ARHGEF16: variants seen among roughly 807,000 people sequenced by gnomAD.
The protein encoded by ARHGEF16 is Rho guanine exchange factor (GEF) 16.
A neutral mutation model predicts 74.1 loss-of-function variants in ARHGEF16; 59 were observed. That is an observed-to-expected ratio of 0.80 (90% CI 0.65 to 0.99). The LOEUF (loss-of-function observed/expected upper bound fraction) is 0.99, where lower values mean the gene tolerates loss of function less well. ARHGEF16 is among the 50% of genes least tolerant of loss of function. The pLI, the probability that ARHGEF16 is intolerant of heterozygous loss-of-function variation, is 0.00. For synonymous variants in ARHGEF16, 415 were observed against 412.6 expected (o/e 1.01, Z -0.07); for missense variants, 948 against 986.6 (o/e 0.96, Z 0.52).
rs906722038 is a variant in ARHGEF16 at position 3,463,279 on chromosome 1, C to T, written c.195C>T (p.His65=). The part of the protein sequence containing the change: ...PAPPQPRPPG[H]EEPWPIVLST... ...CCCCACAGCCTCGGCCCCCGGGGCA[C>T]GAGGAGCCATGGCCCATCGTCCTGA... Residue 65 remains histidine, a synonymous_variant, in exon 2 of 15, where the codon CAC becomes CAT. Transcript: ENST00000378378. 2.4e-5 allele frequency: 37 copies of T among 1,549,826 alleles called. No individual in the cohort carries two copies. The highest frequency in any genetic ancestry group is 1.9e-4 in the African/African-American group (14 of 73,050).
At chr1:3,462,462 C>G (rs1353287012) in intron 1 of ARHGEF16, among the ~76,000 whole-genome samples, 2 of 152,188 alleles carry the variant, frequency 1.3e-5, no homozygotes, top group Non-Finnish European at 2.9e-5. Flanking sequence ...TGCCCTCCCC[C>G]CAACCCAGCA....
intron 5 of ARHGEF16, 125 bp downstream of exon 5, chr1:3,469,061 T>C: frequency 8.2e-7 from 1 of 1,220,754 alleles, no homozygotes; most frequent in Non-Finnish European, 1.2e-6. Flanking sequence ...TGCCAGGCCC[T>C]GTCACGCTGA....
chr1:3,468,998 G>T (rs2100745339), intron 5 of ARHGEF16, 62 bp downstream of exon 5: 2 of 1,540,300 alleles, frequency 1.3e-6, no homozygotes, highest in East Asian at 4.9e-5. Flanking sequence ...CACCCGGGGA[G>T]GGGCAGCAGC....
chr1:3,458,259 C>T (rs1293450621), intron 1 of ARHGEF16, among the ~76,000 whole-genome samples: 2 of 152,250 alleles, frequency 1.3e-5, no homozygotes, highest in Non-Finnish European at 2.9e-5. Flanking sequence ...GCGGCTCCCT[C>T]TGCCCTGTGC....
chr1:3,480,298 C>A, intron 14 of ARHGEF16, 150 bp from the exon 15 acceptor site: 1 of 1,195,844 alleles, frequency 8.4e-7, no homozygotes, highest in Non-Finnish European at 1.1e-6. Context: ...TGACCATGAG[C>A]AAGGCCTCAG....
intron 1 of ARHGEF16, among the ~76,000 whole-genome samples, chr1:3,455,460 G>A (rs561561025): frequency 6.6e-6 from 1 of 152,202 alleles, no homozygotes; most frequent in Non-Finnish European, 1.5e-5. Flanking sequence ...ACCTACCAGG[G>A]AGCCGTGGCC....
chr1:3,458,788 G>A (rs955326023), intron 1 of ARHGEF16, among the ~76,000 whole-genome samples: 5 of 152,184 alleles, frequency 3.3e-5, no homozygotes, highest in African/African-American at 4.8e-5. Context: ...AAAGAAACTC[G>A]CTCCAAAGAA....
At chr1:3,474,374 A>G in intron 8 of ARHGEF16, 1 of 322,100 alleles carries the variant, frequency 3.1e-6, no homozygotes, top group South Asian at 4.2e-5. Context: ...AGAACCTCAA[A>G]CTCCTGGGGG....
At chr1:3,457,482 G>T (rs541572252) in intron 1 of ARHGEF16, among the ~76,000 whole-genome samples, 5 of 152,366 alleles carry the variant, frequency 3.3e-5, no homozygotes, top group African/African-American at 1.2e-4. Flanking sequence ...AGAGCCCAAG[G>T]CGCTGGCTGG....
intron 1 of ARHGEF16, among the ~76,000 whole-genome samples, chr1:3,456,262 G>A (rs1043607973): frequency 6.6e-6 from 1 of 152,214 alleles, no homozygotes; most frequent in Non-Finnish European, 1.5e-5. Flanking sequence ...AGTGAGAAGC[G>A]GCGTGCCAGG....
At chr1:3,476,230 G>T (rs1485204429) in intron 10 of ARHGEF16, among the ~76,000 whole-genome samples, 168 bp downstream of exon 10, 1 of 152,158 alleles carries the variant, frequency 6.6e-6, no homozygotes, top group Non-Finnish European at 1.5e-5. Flanking sequence ...GGTCTCTCCA[G>T]GCCTCAGTCT....
At chr1:3,468,672 G>A in intron 4 of ARHGEF16, 1 of 603,386 alleles carries the variant, frequency 1.7e-6, no homozygotes, top group South Asian at 1.9e-5. Context: ...GGGGAGCGGG[G>A]GGCTGACCCA....
At chr1:3,475,900 A>G (rs1639856624) in intron 9 of ARHGEF16, 70 bp from the exon 10 acceptor site, 2 of 1,465,182 alleles carry the variant, frequency 1.4e-6, no homozygotes, top group Admixed American at 2.1e-5. Flanking sequence ...TCCTGGGCAC[A>G]CTGTGGGCCG....
At chr1:3,477,132 G>A (rs983039102) in intron 10 of ARHGEF16, among the ~76,000 whole-genome samples, 4 of 151,740 alleles carry the variant, frequency 2.6e-5, no homozygotes, top group East Asian at 3.9e-4. Flanking sequence ...GGGAGGTGCC[G>A]GGGGCTCTGA....
intron 1 of ARHGEF16, among the ~76,000 whole-genome samples, chr1:3,459,312 G>A (rs1639338702): frequency 6.6e-6 from 1 of 152,232 alleles, no homozygotes; most frequent in African/African-American, 2.4e-5. Context: ...CCGAGAAAGA[G>A]ATCGGGACAT....
rs761921315 is a variant in ARHGEF16, at chr1:3,480,570, G to T, written c.2113G>T (p.Val705Leu). Residue 705 changes from valine to leucine, a missense_variant, in exon 15 of 15, where the codon GTG (valine) becomes TTG (leucine). Transcript: ENST00000378378. ...TGTCCGCAGGATGGAGCGTCTGCGGGTGGAGACGGACGTGTAGCCCTGGCG... is the reference window on the plus strand; with the variant it reads ...TGTCCGCAGGATGGAGCGTCTGCGGTTGGAGACGGACGTGTAGCCCTGGCG... ...GNVRRMERLR[V>L]ETDV 6.2e-7 allele frequency: 1 copy of T among 1,608,680 alleles called. No homozygotes were observed. Among genetic ancestry groups the T allele is most frequent in the South Asian group, 1.1e-5 (1 of 91,074 alleles).
chr1:3,466,038 A>G (rs1639533834), intron 2 of ARHGEF16, 110 bp from the exon 3 acceptor site: 1 of 1,234,450 alleles, frequency 8.1e-7, no homozygotes, highest in Non-Finnish European at 1.1e-6. Context: ...TCTATTGGGC[A>G]CAGCTTCGCA....
At chr1:3,479,725 C>CGGCCCT in intron 13 of ARHGEF16, 87 bp from the exon 14 acceptor site, 1 of 1,565,876 alleles carries the variant, frequency 6.4e-7, no homozygotes, top group Non-Finnish European at 8.7e-7. Context: ...GCCCCGGCCC[C>CGGCCCT]GGGGGATGTG....
Position 3,454,783 on chromosome 1 carries a change from C to A in ARHGEF16, c.-48C>A, listed in dbSNP as rs1243212257. 6.6e-6 allele frequency: 1 copy of A among 152,464 alleles called. No homozygotes were observed. Among genetic ancestry groups the A allele is most frequent in the Non-Finnish European group, 1.5e-5 (1 of 68,278 alleles). 9.4% of individuals were successfully genotyped at this position (152,464 alleles called of 1,614,324 possible). A position where few individuals can be genotyped will look rare whatever the true frequency, so the allele number is the denominator to read the frequency against. On this transcript the variant is annotated 5_prime_UTR_variant, in exon 1 of 15. Transcript: ENST00000378378. ...TGGAAGCTGCACCGCCAGCGCGCCG[C>A]CCCTCCGTCCCTCCGCCCCGCGGCG...
Sources: allele counts gnomAD v4.1 joint callset (sites outside exome capture counted in the v4.1 genomes callset), GRCh38; gene constraint gnomAD v4.1.1; transcripts MANE v1.5; gene names NCBI Gene and HGNC (gene_info 2026-07-23, HGNC 2026-07-21).